Variants in CLSTN2 observed in about 807,000 individuals in gnomAD.
CLSTN2 encodes calsyntenin 2, also known as calsyntenin-2.
A neutral mutation model predicts 101.2 loss-of-function variants in CLSTN2; 48 were observed. The ratio of observed to expected loss-of-function variants is 0.47; its 90% CI spans 0.38 to 0.60. The LOEUF (loss-of-function observed/expected upper bound fraction) is 0.60. CLSTN2 is among the 20% of genes least tolerant of loss of function. CLSTN2 has a pLI of 0.00. For missense variants in CLSTN2, 1,160 were observed against 1,238.2 expected, an observed-to-expected ratio of 0.94 and a Z score of 0.95; for synonymous variants, 481 against 463.6, an observed-to-expected ratio of 1.04 and a Z score of -0.48.
intron 1 of CLSTN2, among the ~76,000 whole-genome samples, chr3:140,131,350 G>T (rs1430269291): frequency 6.6e-6 from 1 of 151,536 alleles, no homozygotes; most frequent in Admixed American, 6.6e-5. Flanking sequence ...TTTTGGCTCA[G>T]CAAATTTCTT....
intron 2 of CLSTN2, among the ~76,000 whole-genome samples, chr3:140,361,105 G>A (rs1337719883): frequency 1.3e-5 from 2 of 152,086 alleles, no homozygotes; most frequent in Admixed American, 1.3e-4. Context: ...AATTTTCTCA[G>A]TGAAATATTG....
rs1004900358 is a variant in CLSTN2 at position 140,492,964 on chromosome 3, G to A, written c.1344+26233G>A. Among the ~76,000 whole-genome samples the A allele has an allele frequency of 1.3e-4, 20 of 152,200 alleles. 1 individual carries two copies. Among genetic ancestry groups the A allele is most frequent in the Non-Finnish European group, 1.2e-4 (8 of 68,032 alleles). On this transcript the variant is annotated intron_variant, in intron 8 of 16. Transcript: ENST00000458420. ...CTGACAAACCCTACTTATCAGGGTT[G>A]TCTGCCAAGGACACTCACCAGCAGT...
chr3:140,390,001 G>A (rs1006503785), intron 2 of CLSTN2, among the ~76,000 whole-genome samples: 3 of 151,512 alleles, frequency 2.0e-5, no homozygotes, highest in South Asian at 2.1e-4. Context: ...AACAAATTAT[G>A]TATGATTAAT....
At chr3:140,553,688 G>A (rs1576624361) in intron 10 of CLSTN2, among the ~76,000 whole-genome samples, 2 of 152,040 alleles carry the variant, frequency 1.3e-5, no homozygotes, top group African/African-American at 4.8e-5. Flanking sequence ...TGAAGTGGAG[G>A]AAAAAAAGAG....
intron 1 of CLSTN2, among the ~76,000 whole-genome samples, chr3:140,122,828 C>A (rs772926050): frequency 1.3e-5 from 2 of 152,038 alleles, no homozygotes; most frequent in African/African-American, 4.8e-5. Context: ...TTTTGTTGTT[C>A]TTCTTTTTCC....
intron 1 of CLSTN2, among the ~76,000 whole-genome samples, chr3:140,151,946 T>G (rs2009873994): frequency 6.6e-6 from 1 of 152,094 alleles, no homozygotes; most frequent in Non-Finnish European, 1.5e-5. Flanking sequence ...GGAGTCTAGG[T>G]GGATATCCAG....
intron 2 of CLSTN2, among the ~76,000 whole-genome samples, chr3:140,356,024 C>T (rs2087667000): frequency 6.6e-6 from 1 of 152,200 alleles, no homozygotes. Context: ...CACTTCCTTC[C>T]AGAAATCTTC....
intron 2 of CLSTN2, among the ~76,000 whole-genome samples, chr3:140,247,492 T>C (rs2107872883): frequency 6.6e-6 from 1 of 152,330 alleles, no homozygotes; most frequent in Admixed American, 6.5e-5. Flanking sequence ...CCTAAAATTA[T>C]CAATGTCAAA....
At chr3:140,303,278 GTC>G (rs755315135) in intron 2 of CLSTN2, among the ~76,000 whole-genome samples, 18 of 152,212 alleles carry the variant, frequency 1.2e-4, no homozygotes, top group African/African-American at 2.4e-4. Context: ...CCAAGATGTG[GTC>G]TCTCTCATTC....
chr3:140,243,701 A>C (rs953174536), intron 2 of CLSTN2, among the ~76,000 whole-genome samples: 1 of 152,232 alleles, frequency 6.6e-6, no homozygotes, highest in Non-Finnish European at 1.5e-5. Context: ...TTGCTTCTCA[A>C]AGTGAAGTCC....
chr3:140,487,434 T>A (rs989698915), intron 8 of CLSTN2, among the ~76,000 whole-genome samples: 2 of 152,240 alleles, frequency 1.3e-5, no homozygotes, highest in African/African-American at 4.8e-5. Context: ...CTAAGCTAAT[T>A]AAAGGTAAAA....
intron 2 of CLSTN2, among the ~76,000 whole-genome samples, chr3:140,216,314 G>A (rs530612389): frequency 7.9e-5 from 12 of 152,202 alleles, no homozygotes; most frequent in African/African-American, 2.9e-4. Context: ...CTTTAGAGAA[G>A]CAGAAGGGAT....
At chr3:140,212,868 GC>G (rs1214609016) in intron 2 of CLSTN2, among the ~76,000 whole-genome samples, 1 of 152,180 alleles carries the variant, frequency 6.6e-6, no homozygotes, top group African/African-American at 2.4e-5. Context: ...TGAGCTGTGT[GC>G]CCCCTCACAG....
intron 8 of CLSTN2, among the ~76,000 whole-genome samples, chr3:140,493,133 C>T (rs1202202335): frequency 6.6e-6 from 1 of 152,216 alleles, no homozygotes; most frequent in African/African-American, 2.4e-5. Flanking sequence ...ACATTATTGC[C>T]TCACTCATGT....
chr3:140,056,307 T>C (rs755109253), intron 1 of CLSTN2, among the ~76,000 whole-genome samples: 20 of 152,272 alleles, frequency 1.3e-4, no homozygotes, highest in African/African-American at 1.7e-4. Flanking sequence ...TAGATGAATG[T>C]CTGTTTGGAT....
chr3:140,473,143 C>T (rs1933894944), intron 8 of CLSTN2, among the ~76,000 whole-genome samples: 1 of 152,162 alleles, frequency 6.6e-6, no homozygotes, highest in Non-Finnish European at 1.5e-5. Flanking sequence ...TGAGAGAGTG[C>T]CAGTGTGCTG....
At chr3:140,444,454 C>G (rs1027874900) in intron 5 of CLSTN2, among the ~76,000 whole-genome samples, 2 of 151,140 alleles carry the variant, frequency 1.3e-5, no homozygotes, top group African/African-American at 4.9e-5. Flanking sequence ...TGCTACATGG[C>G]CTTGGGCAAG....
At chr3:140,155,216 C>T (rs1412763554) in intron 1 of CLSTN2, among the ~76,000 whole-genome samples, 1 of 152,072 alleles carries the variant, frequency 6.6e-6, no homozygotes, top group African/African-American at 2.4e-5. Context: ...CTTGCAGAGG[C>T]TAAGGTAGTA....
chr3:140,515,787 T>C (rs1934906497), intron 8 of CLSTN2, among the ~76,000 whole-genome samples: 1 of 152,170 alleles, frequency 6.6e-6, no homozygotes, highest in Admixed American at 6.5e-5. Context: ...GCCTATCATA[T>C]GGTCTATCTT....
Sources: allele counts gnomAD v4.1 joint callset (sites outside exome capture counted in the v4.1 genomes callset), GRCh38; gene constraint gnomAD v4.1.1; transcripts MANE v1.5; gene names NCBI Gene and HGNC (gene_info 2026-07-23, HGNC 2026-07-21).